The following KIAA0825 variants were observed in gnomAD, a reference collection of about 807,000 sequenced individuals.
KIAA0825 encodes the protein KIAA0825.
A neutral mutation model predicts 147.6 loss-of-function variants in KIAA0825; 119 were observed. That is an observed-to-expected ratio of 0.81 (90% CI 0.69 to 0.94). KIAA0825 has a LOEUF of 0.94. Among genes scored for constraint, KIAA0825 ranks in the 40% least tolerant of loss-of-function variants. The pLI is 0.00. For missense variants in KIAA0825, 1,381 were observed against 1,472.7 expected, an observed-to-expected ratio of 0.94 and a Z score of 1.02; for synonymous variants, 470 against 518.1, an observed-to-expected ratio of 0.91 and a Z score of 1.26.
chr5:94,237,025 T>TA (rs776264941), intron 20 of KIAA0825, among the ~76,000 whole-genome samples: 12 of 151,252 alleles, frequency 7.9e-5, no homozygotes, highest in Non-Finnish European at 1.8e-4. Context: ...ATCTCTGAAG[T>TA]ATGCCTAAAT....
intron 13 of KIAA0825, among the ~76,000 whole-genome samples, chr5:94,442,525 A>T (rs892460753): frequency 6.6e-6 from 1 of 152,158 alleles, no homozygotes; most frequent in African/African-American, 2.4e-5. Context: ...CTTTTGCAGT[A>T]GTTCCAAATG....
intron 5 of KIAA0825, among the ~76,000 whole-genome samples, chr5:94,515,797 A>AAAAAAAAAATAAAT (rs1554297597): frequency 3.3e-5 from 5 of 151,844 alleles, no homozygotes; most frequent in African/African-American, 1.2e-4. Context: ...GTCTCAAAAA[A>AAAAAAAAAATAAAT]AAAAAAAAAA....
chr5:94,357,348 G>GTAAATAAGCA (rs1266989124), intron 20 of KIAA0825, among the ~76,000 whole-genome samples: 1 of 151,998 alleles, frequency 6.6e-6, no homozygotes, highest in Non-Finnish European at 1.5e-5. Context: ...ATAAAGGAGA[G>GTAAATAAGCA]TAAATAAGCA....
chr5:94,173,994 G>A (rs1768869885), intron 20 of KIAA0825, among the ~76,000 whole-genome samples: 1 of 152,138 alleles, frequency 6.6e-6, no homozygotes. Context: ...TTCAATAGCT[G>A]CATGAAATGT....
intron 20 of KIAA0825, among the ~76,000 whole-genome samples, chr5:94,282,037 G>C (rs763430938): frequency 2.2e-4 from 34 of 152,154 alleles, no homozygotes; most frequent in South Asian, 6.2e-4. Flanking sequence ...CCACCAAAAT[G>C]TTAGCAAGTT....
At chr5:94,266,452 A>G (rs1441473783) in intron 20 of KIAA0825, among the ~76,000 whole-genome samples, 1 of 152,220 alleles carries the variant, frequency 6.6e-6, no homozygotes, top group Admixed American at 6.5e-5. Flanking sequence ...TTTGTAATAC[A>G]TTGCAACTAA....
At chr5:94,208,456 T>C (rs1180577855) in intron 20 of KIAA0825, among the ~76,000 whole-genome samples, 1 of 152,228 alleles carries the variant, frequency 6.6e-6, no homozygotes, top group Non-Finnish European at 1.5e-5. Flanking sequence ...TGCTATGAGA[T>C]GTTAACAGAC....
intron 5 of KIAA0825, among the ~76,000 whole-genome samples, chr5:94,501,910 C>T (rs555230817): frequency 6.6e-6 from 1 of 152,174 alleles, no homozygotes; most frequent in East Asian, 1.9e-4. Context: ...AATTAAATGA[C>T]TGAATAATGA....
At chr5:94,219,224 T>C (rs1471626093) in intron 20 of KIAA0825, among the ~76,000 whole-genome samples, 3 of 152,114 alleles carry the variant, frequency 2.0e-5, no homozygotes, top group Non-Finnish European at 4.4e-5. Flanking sequence ...CAGTGACAGA[T>C]CATCAGATAT....
Position 94,536,991 on chromosome 5 carries a change from T to G in KIAA0825, c.131+5A>C. On this transcript the variant is annotated splice_donor_5th_base_variant and intron_variant, in intron 3 of 20. Coordinates refer to ENST00000682413, the MANE Select transcript of KIAA0825 (RefSeq NM_001145678.3). ...AACTTGTTTTAAATAATTAACAATATTTACCTTGCAGCATTTTGTTCAATC... is the reference window on the plus strand; with the variant it reads ...AACTTGTTTTAAATAATTAACAATAGTTACCTTGCAGCATTTTGTTCAATC... 2 of 1,589,756 alleles carry G rather than the reference T, an allele frequency of 1.3e-6. No homozygotes were observed. Among genetic ancestry groups the G allele is most frequent in the East Asian group, 4.5e-5 (2 of 44,642 alleles).
chr5:94,268,570 C>A (rs1007050778), intron 20 of KIAA0825, among the ~76,000 whole-genome samples: 1 of 151,978 alleles, frequency 6.6e-6, no homozygotes, highest in Non-Finnish European at 1.5e-5. Context: ...AGGCAGTGGG[C>A]CAAATGAGAT....
chr5:94,168,384 G>A (rs1768266303), intron 20 of KIAA0825, among the ~76,000 whole-genome samples: 1 of 152,060 alleles, frequency 6.6e-6, no homozygotes, highest in African/African-American at 2.4e-5. Context: ...TATAGCCTTC[G>A]GAGACAATCT....
chr5:94,336,850 A>G (rs562986405), intron 20 of KIAA0825, among the ~76,000 whole-genome samples: 3 of 152,310 alleles, frequency 2.0e-5, no homozygotes, highest in East Asian at 3.9e-4. Context: ...GTCTTCCACA[A>G]TGGCGGAACT....
At chr5:94,165,690 G>A (rs970136434) in intron 20 of KIAA0825, among the ~76,000 whole-genome samples, 2 of 152,162 alleles carry the variant, frequency 1.3e-5, no homozygotes, top group Admixed American at 1.3e-4. Flanking sequence ...ATGAGATCCT[G>A]TCATTTGCAA....
rs928456407 is a variant in KIAA0825, at chr5:94,393,424, T to C, written c.3297-1730A>G. 4.6e-5 allele frequency among the ~76,000 whole-genome samples: 7 copies of C among 152,228 alleles called. No individual in the cohort carries two copies. In the South Asian group the frequency reaches 6.2e-4, roughly 14 times the overall value. ...GAGTGTTACTACAAAGTGAAGGTTATTTTAATGAATAGTAATGCTTTCAGG... is the reference window on the plus strand; with the variant it reads ...GAGTGTTACTACAAAGTGAAGGTTACTTTAATGAATAGTAATGCTTTCAGG... On this transcript the variant is annotated intron_variant, in intron 17 of 20. Coordinates refer to ENST00000682413, the MANE Select transcript of KIAA0825 (RefSeq NM_001145678.3).
At chr5:94,471,084 T>C (rs890459852) in intron 9 of KIAA0825, among the ~76,000 whole-genome samples, 4 of 152,234 alleles carry the variant, frequency 2.6e-5, no homozygotes, top group Admixed American at 2.6e-4. Flanking sequence ...ATTTATTTTC[T>C]AAGTCCGCTC....
intron 14 of KIAA0825, among the ~76,000 whole-genome samples, chr5:94,430,314 T>C (rs1014561237): frequency 3.3e-5 from 5 of 152,328 alleles, no homozygotes; most frequent in African/African-American, 1.2e-4. Flanking sequence ...TCACTAAATA[T>C]TAGTTGAATG....
intron 14 of KIAA0825, among the ~76,000 whole-genome samples, chr5:94,436,622 T>C (rs548126220): frequency 6.6e-6 from 1 of 152,136 alleles, no homozygotes; most frequent in African/African-American, 2.4e-5. Flanking sequence ...TTTGGTTCCA[T>C]ATGAATTAAA....
chr5:94,395,074 T>C (rs1750459615), intron 17 of KIAA0825, among the ~76,000 whole-genome samples: 1 of 152,212 alleles, frequency 6.6e-6, no homozygotes, highest in African/African-American at 2.4e-5. Flanking sequence ...CCAAGCTTGA[T>C]GCTAAGAACT....
Sources: allele counts gnomAD v4.1 joint callset (sites outside exome capture counted in the v4.1 genomes callset), GRCh38; gene constraint gnomAD v4.1.1; transcripts MANE v1.5; gene names NCBI Gene and HGNC (gene_info 2026-07-23, HGNC 2026-07-21).